SLC28A1: variants seen among roughly 807,000 people sequenced by gnomAD.
SLC28A1 encodes the protein solute carrier family 28 member 1.
Under a neutral mutation model 74.8 loss-of-function variants are expected in SLC28A1, and 64 were observed. That is an observed-to-expected ratio of 0.86 (90% CI 0.70 to 1.05). The LOEUF (loss-of-function observed/expected upper bound fraction) is 1.05, where lower values mean the gene tolerates loss of function less well. Among genes scored for constraint, SLC28A1 ranks in the 50% least tolerant of loss-of-function variants. The pLI is 0.00. For synonymous variants in SLC28A1, 359 were observed against 335.0 expected (o/e 1.07, Z -0.78); for missense variants, 828 against 822.8 (o/e 1.01, Z -0.08).
At chr15:84,906,980 G>A (rs1967352067) in intron 8 of SLC28A1, among the ~76,000 whole-genome samples, 1 of 152,174 alleles carries the variant, frequency 6.6e-6, no homozygotes. Context: ...CCGATGAGTT[G>A]AGTGGAGGAG....
Position 84,890,534 on chromosome 15 carries a change from G to A in SLC28A1, c.277G>A (p.Gly93Arg). ...GATCGGCACAGGCCTGCTCTGCACT[G>A]GTGAGCCTGGGGCCCAGCACTACCC... is the stretch of plus-strand genomic sequence containing the variant. ...RWIGTGLLCT[G>R]LSAFLLVACL... is the part of the protein sequence containing the mutation. The change falls in exon 5 of 19, where the codon GGG becomes AGG. Residue 93 changes from glycine (G) to arginine (R), a missense_variant and splice_region_variant. By Grantham distance (125) the Gly-to-Arg change is moderately radical. This residue lies in a region of SLC28A1 where 767 missense variants were observed against 753.5 expected (regional missense o/e 1.02). Coordinates refer to ENST00000394573, the MANE Select transcript of SLC28A1 (RefSeq NM_004213.5). 1.2e-6 allele frequency: 2 copies of A among 1,608,406 alleles called. No individual in the cohort carries two copies. The highest frequency in any genetic ancestry group is 1.1e-5 in the South Asian group (1 of 90,420).
At chr15:84,961,565 T>C in the SLC28A1 span, 1 of 450,690 alleles carries the variant, frequency 2.2e-6, no homozygotes. Context: ...GGTCTTGAAC[T>C]CCTGGCCTTA....
At chr15:84,892,334 G>T (rs868802953) in intron 5 of SLC28A1, among the ~76,000 whole-genome samples, 1 of 152,118 alleles carries the variant, frequency 6.6e-6, no homozygotes, top group Non-Finnish European at 1.5e-5. Context: ...TGAAAGTAGG[G>T]TCATCTGCTG....
chr15:84,968,254 G>T, the SLC28A1 span, among the ~76,000 whole-genome samples: 2 of 152,194 alleles, frequency 1.3e-5, no homozygotes, highest in South Asian at 2.1e-4. Context: ...AATAAAGCTT[G>T]CTTGATGGGT....
intron 12 of SLC28A1, among the ~76,000 whole-genome samples, chr15:84,924,723 A>C (rs1970272800): frequency 6.6e-6 from 1 of 152,228 alleles, no homozygotes; most frequent in Non-Finnish European, 1.5e-5. Context: ...AATGCTTTAC[A>C]TTCATAAAAC....
At chr15:84,930,960 T>TG (rs1475497112) in intron 12 of SLC28A1, among the ~76,000 whole-genome samples, 5 of 152,020 alleles carry the variant, frequency 3.3e-5, no homozygotes, top group Non-Finnish European at 7.4e-5. Context: ...TTATTAGAGA[T>TG]GGGGGTTTCA....
At chr15:84,942,288 C>T (rs1342593845) in intron 15 of SLC28A1, among the ~76,000 whole-genome samples, 3 of 152,114 alleles carry the variant, frequency 2.0e-5, no homozygotes, top group Non-Finnish European at 4.4e-5. Context: ...TACAAACAAT[C>T]CAATTATACT....
chr15:84,889,982 C>T (rs1596195395), intron 4 of SLC28A1, among the ~76,000 whole-genome samples: 2 of 151,734 alleles, frequency 1.3e-5, no homozygotes, highest in Admixed American at 6.6e-5. Context: ...ATTACAGGCG[C>T]ACGCCACCAT....
downstream of SLC28A1, among the ~76,000 whole-genome samples, chr15:84,946,135 G>T (rs1313736826): frequency 5.4e-3 from 39 of 7,168 alleles, no homozygotes; most frequent in East Asian, 9.8e-3. Context: ...TTTTTTTTTT[G>T]GTAGAGATGA....
rs4248928 is a variant in SLC28A1, at chr15:84,927,546, G to T, written c.1083+3436G>T. 7.9e-5 allele frequency among the ~76,000 whole-genome samples: 12 copies of T among 152,116 alleles called. No homozygotes were observed. The South Asian group carries it at 1.0e-3, about 13-fold the overall frequency. On this transcript the variant is annotated intron_variant, in intron 12 of 18. Transcript: ENST00000394573. ...TATGGGGCAAGATCCTCTCTGGAAG[G>T]GGGGGTCTTATGACCTACACTCAAA...
At chr15:84,913,740 G>T (rs551012393) in intron 9 of SLC28A1, among the ~76,000 whole-genome samples, 2 of 152,112 alleles carry the variant, frequency 1.3e-5, no homozygotes, top group Non-Finnish European at 2.9e-5. Flanking sequence ...TCCTTGAAGG[G>T]GACTGCCTTA....
At chr15:84,964,482 A>T in the SLC28A1 span, among the ~76,000 whole-genome samples, 2 of 152,198 alleles carry the variant, frequency 1.3e-5, no homozygotes, top group African/African-American at 4.8e-5. Context: ...AATGATTGAC[A>T]TTACCCAATA....
At chr15:84,934,875 A>C in intron 13 of SLC28A1, 151 bp from the exon 14 acceptor site, 1 of 728,458 alleles carries the variant, frequency 1.4e-6, no homozygotes, top group Non-Finnish European at 2.4e-6. Flanking sequence ...CGGTGCTTTG[A>C]CCAGCCCCTT....
chr15:84,926,233 C>T (rs567643857), intron 12 of SLC28A1, among the ~76,000 whole-genome samples: 5 of 151,928 alleles, frequency 3.3e-5, no homozygotes, highest in Admixed American at 6.6e-5. Flanking sequence ...GAGTTTCCCT[C>T]TGTTACTCAA....
the SLC28A1 span, among the ~76,000 whole-genome samples, chr15:84,967,610 C>T: frequency 1.3e-5 from 2 of 152,184 alleles, no homozygotes; most frequent in Admixed American, 6.5e-5. Flanking sequence ...TTGCATCAGC[C>T]TAAATCCCTA....
At chr15:84,959,773 A>T in the SLC28A1 span, among the ~76,000 whole-genome samples, 2 of 152,072 alleles carry the variant, frequency 1.3e-5, no homozygotes, top group Non-Finnish European at 2.9e-5. Flanking sequence ...GTCCATGTGC[A>T]TTGTCTCTGG....
chr15:84,972,098 C>G, the SLC28A1 span, among the ~76,000 whole-genome samples: 4 of 152,264 alleles, frequency 2.6e-5, no homozygotes, highest in African/African-American at 9.6e-5. Context: ...TGCCCCCACC[C>G]TACACAATAA....
the SLC28A1 span, among the ~76,000 whole-genome samples, chr15:84,965,906 G>T: frequency 4.7e-5 from 7 of 150,382 alleles, no homozygotes; most frequent in South Asian, 4.2e-4. Context: ...GGCGGGGAGG[G>T]GGGGGAAATA....
intron 6 of SLC28A1, among the ~76,000 whole-genome samples, chr15:84,896,660 A>C (rs891546236): frequency 4.6e-5 from 7 of 152,148 alleles, no homozygotes; most frequent in African/African-American, 1.7e-4. Context: ...AAAAATACAA[A>C]AATTAGCCAG....
Sources: allele counts gnomAD v4.1 joint callset (sites outside exome capture counted in the v4.1 genomes callset), GRCh38; gene constraint gnomAD v4.1.1; regional missense constraint gnomAD v4.1.1; transcripts MANE v1.5; gene names NCBI Gene and HGNC (gene_info 2026-07-23, HGNC 2026-07-21).